Variants in PPP2R2C observed in about 807,000 individuals in gnomAD.
PPP2R2C encodes protein phosphatase 2, regulatory subunit B, gamma.
In PPP2R2C, 10 loss-of-function variants were observed where a neutral mutation model predicts 45.3. The observed-to-expected ratio is 0.22, with a 90% CI of 0.14 to 0.37. PPP2R2C has a LOEUF of 0.37. Among genes scored for constraint, PPP2R2C ranks in the 10% least tolerant of loss-of-function variants. The pLI, the probability that PPP2R2C is intolerant of heterozygous loss-of-function variation, is 1.00. For synonymous variants in PPP2R2C, 257 were observed against 245.4 expected, an observed-to-expected ratio of 1.05 and a Z score of -0.44; for missense variants, 308 against 619.7, an observed-to-expected ratio of 0.50 and a Z score of 5.34.
chr4:6,532,790 C>T (rs148420818), intron 2 of PPP2R2C, among the ~76,000 whole-genome samples: 19 of 152,336 alleles, frequency 1.2e-4, no homozygotes, highest in Non-Finnish European at 2.5e-4. Context: ...ACCCACATGG[C>T]CCCCGGTCCC....
At chr4:6,410,718 C>T (rs1718113378) in intron 1 of PPP2R2C, among the ~76,000 whole-genome samples, 1 of 152,032 alleles carries the variant, frequency 6.6e-6, no homozygotes, top group Admixed American at 6.5e-5. Flanking sequence ...CACTTACCAC[C>T]CCAGTGAGCC....
At chr4:6,456,040 C>T (rs1560561193) in intron 1 of PPP2R2C, among the ~76,000 whole-genome samples, 1 of 152,192 alleles carries the variant, frequency 6.6e-6, no homozygotes, top group African/African-American at 2.4e-5. Context: ...CCTACCCCAC[C>T]CACACACCTG....
intron 6 of PPP2R2C, among the ~76,000 whole-genome samples, chr4:6,335,857 C>T (rs114222363): frequency 2.0e-5 from 3 of 152,194 alleles, no homozygotes; most frequent in Middle Eastern, 3.4e-3. Flanking sequence ...AGGTCCCCCC[C>T]ACCTCTCTTG....
At chr4:6,500,405 C>G (rs558708745) in intron 2 of PPP2R2C, among the ~76,000 whole-genome samples, 2 of 152,290 alleles carry the variant, frequency 1.3e-5, no homozygotes, top group African/African-American at 4.8e-5. Context: ...GCCTTGGCCT[C>G]CTAAAGTGCT....
intron 1 of PPP2R2C, among the ~76,000 whole-genome samples, chr4:6,446,438 C>G (rs1319697297): frequency 6.6e-6 from 1 of 152,122 alleles, no homozygotes; most frequent in Non-Finnish European, 1.5e-5. Flanking sequence ...ACGGGGGGAA[C>G]AGACGGATCC....
In PPP2R2C at chr4:6,321,098, T is replaced by G. The variant is rs1407984899; in HGVS notation, c.*2204A>C. Reference sequence around the variant, plus strand: ...TTCTTTTTGGTTTGGTACCCAAAGTTTAAAACAGAAGTAAGGAACTAGGAA... The same window carrying G: ...TTCTTTTTGGTTTGGTACCCAAAGTGTAAAACAGAAGTAAGGAACTAGGAA... On this transcript the variant is annotated 3_prime_UTR_variant, in exon 9 of 9. Transcript: ENST00000382599. 2.6e-5 allele frequency: 4 copies of G among 152,234 alleles called. No individual in the cohort carries two copies. The highest frequency in any genetic ancestry group is 2.6e-4 in the Admixed American group (4 of 15,278). The allele number at this position is 152,234 out of a possible 1,614,324, so 9.4% of individuals were successfully genotyped here.
chr4:6,486,853 AT>A (rs1449826321), intron 2 of PPP2R2C, among the ~76,000 whole-genome samples: 1 of 152,026 alleles, frequency 6.6e-6, no homozygotes, highest in Admixed American at 6.5e-5. Flanking sequence ...GATTATTGGT[AT>A]GATTAGGTTT....
chr4:6,364,193 G>A lies in PPP2R2C; in HGVS notation c.625+8330C>T, dbSNP rs917603433. Among the ~76,000 whole-genome samples the A allele has an allele frequency of 1.3e-5, 2 of 152,204 alleles. No homozygotes were observed. Among genetic ancestry groups the A allele is most frequent in the Admixed American group, 6.5e-5 (1 of 15,284 alleles). ...AGTTCCGACAGACTGGTCAAGGAAG[G>A]CCTCTTTAAGAAGGTGTCCACTGAG... On this transcript the variant is annotated intron_variant, in intron 5 of 8. Transcript: ENST00000382599. The surrounding 1 kb of genome is among the most constrained non-coding windows in gnomAD (Gnocchi z 5.3).
chr4:6,363,348 G>A (rs1037341965), intron 5 of PPP2R2C, among the ~76,000 whole-genome samples: 1 of 152,176 alleles, frequency 6.6e-6, no homozygotes, highest in African/African-American at 2.4e-5. Flanking sequence ...GGAGGTCAAG[G>A]CAGGTGGATC....
Position 6,345,762 on chromosome 4 carries a change from C to T in PPP2R2C, c.790+2084G>A, listed in dbSNP as rs1316664413. 6.6e-6 allele frequency among the ~76,000 whole-genome samples: 1 copy of T among 152,158 alleles called. No homozygotes were observed. Among genetic ancestry groups the T allele is most frequent in the African/African-American group, 2.4e-5 (1 of 41,422 alleles). ...TATACATATGCCCTGTTTTCAGCCACCAAGTGTGTGGTCCTTTGTTGTGGC... is the reference window on the plus strand; with the variant it reads ...TATACATATGCCCTGTTTTCAGCCATCAAGTGTGTGGTCCTTTGTTGTGGC... On this transcript the variant is annotated intron_variant, in intron 6 of 8. Coordinates refer to ENST00000382599, the MANE Select transcript of PPP2R2C (RefSeq NM_020416.4). The surrounding 1 kb of genome is among the most constrained non-coding windows in gnomAD (Gnocchi z 5.3).
Position 6,323,202 on chromosome 4 carries a change from G to A in PPP2R2C, c.*100C>T. On this transcript the variant is annotated 3_prime_UTR_variant, in exon 9 of 9. Coordinates refer to ENST00000382599, the MANE Select transcript of PPP2R2C (RefSeq NM_020416.4). The stretch of plus-strand genomic sequence containing the variant: ...GCCACCTCTGCAGCTGTCCTCATCA[G>A]TGCTGTGACTTTCTTCCCCTCCTTG... 1.4e-6 allele frequency: 2 copies of A among 1,412,524 alleles called. No homozygotes were observed. The highest frequency in any genetic ancestry group is 1.9e-6 in the Non-Finnish European group (2 of 1,039,370). 87.5% of individuals were successfully genotyped at this position (1,412,524 alleles called of 1,614,324 possible).
At chr4:6,357,144 G>T (rs1056462678) in intron 5 of PPP2R2C, among the ~76,000 whole-genome samples, 8 of 147,606 alleles carry the variant, frequency 5.4e-5, no homozygotes, top group South Asian at 4.3e-4. Flanking sequence ...TGGCACCTCG[G>T]GTCAGTCTCA....
At chr4:6,390,993 G>A (rs2240265) in intron 1 of PPP2R2C, among the ~76,000 whole-genome samples, 67,506 of 151,928 alleles carry the variant, frequency 0.44, 15,047 homozygotes, top group South Asian at 0.52. Flanking sequence ...TGGGGAGAGT[G>A]GGGACAGTGT....
Position 6,438,061 on chromosome 4 carries a change from T to C in PPP2R2C, c.70+34099A>G, listed in dbSNP as rs888755142. ...TGGTTTCATGGGTCTTTGCCAGAGT[T>C]CTCATAAAACCTTCTCCTTCATGTC... On this transcript the variant is annotated intron_variant, in intron 1 of 8. Transcript: ENST00000382599. Among the ~76,000 whole-genome samples the C allele has an allele frequency of 4.6e-5, 7 of 152,204 alleles. No individual in the cohort carries two copies. The East Asian group carries it at 1.3e-3, about 29-fold the overall frequency.
rs113173460 is a variant in PPP2R2C, at chr4:6,485,416, G to C, written c.49+49855C>G. Among the ~76,000 whole-genome samples the C allele has an allele frequency of 3.1e-3, 476 of 151,950 alleles. 7 individuals carry two copies. Among genetic ancestry groups the C allele is most frequent in the African/African-American group, 0.011 (458 of 41,518 alleles). Reference sequence around the variant, plus strand: ...AGAATGATTTGGAAAGTGTTCTCAAGTTTTTGGAAGAGTTTATGTAGAATT... The same window carrying C: ...AGAATGATTTGGAAAGTGTTCTCAACTTTTTGGAAGAGTTTATGTAGAATT... On this transcript the variant is annotated intron_variant, in intron 2 of 9. Transcript: ENST00000506140.
intron 5 of PPP2R2C, among the ~76,000 whole-genome samples, chr4:6,358,837 A>T (rs942196935): frequency 2.0e-5 from 3 of 152,244 alleles, no homozygotes; most frequent in African/African-American, 7.2e-5. Context: ...TTAAAAAGTC[A>T]GGAAACAACA....
chr4:6,521,622 C>T (rs1013294038), intron 2 of PPP2R2C, among the ~76,000 whole-genome samples: 62 of 152,266 alleles, frequency 4.1e-4, no homozygotes, highest in African/African-American at 1.4e-3. Context: ...CCCTCCAGGG[C>T]CCTCCTCTCC....
rs941891475 is a variant in PPP2R2C, at chr4:6,329,472, C to G, written c.961-119G>C. The stretch of plus-strand genomic sequence containing the variant: ...TGCCCTGACATGGCCCAGCGCAGAC[C>G]TGCTCATCTCAGCGAGGGTCTGAAT... On this transcript the variant is annotated intron_variant, in intron 7 of 8. Transcript: ENST00000382599. This position sits in a 1 kb window ranked among gnomAD's most constrained non-coding sequence, Gnocchi z 5.8. The G allele has an allele frequency of 1.1e-4, 89 of 811,318 alleles. No homozygotes were observed. Among genetic ancestry groups the G allele is most frequent in the Non-Finnish European group, 1.7e-4 (82 of 478,606 alleles). The allele number at this position is 811,318 out of a possible 1,614,324, so 50.3% of individuals were successfully genotyped here.
At chr4:6,380,207 C>G (rs943880765) in intron 2 of PPP2R2C, 1 of 152,482 alleles carries the variant, frequency 6.6e-6, no homozygotes, top group Non-Finnish European at 1.5e-5. Context: ...TCTGAGTTTC[C>G]GCATCTGTCA....
Sources: gnomAD v4.1 joint callset for allele counts (sites outside exome capture counted in the v4.1 genomes callset) on GRCh38, gnomAD v4.1.1 for gene constraint, Gnocchi (gnomAD v3.1) non-coding constraint, MANE v1.5 for transcripts, NCBI Gene and HGNC (gene_info 2026-07-23, HGNC 2026-07-21) for gene names.